The following CHD7 variants were observed in gnomAD, a reference collection of about 807,000 sequenced individuals.
CHD7 encodes the protein chromodomain helicase DNA binding protein 7.
Under a neutral mutation model 307.3 loss-of-function variants are expected in CHD7, and 24 were observed. The observed-to-expected ratio is 0.08, with a 90% confidence interval of 0.06 to 0.11. CHD7 has a LOEUF of 0.11. CHD7 is among the 10% of genes least tolerant of loss of function. The pLI is 1.00. For missense variants in CHD7, 3,106 were observed against 3,727.1 expected (o/e 0.83, Z 4.34); for synonymous variants, 1,363 against 1,349.9 (o/e 1.01, Z -0.21).
intron 1 of CHD7, among the ~76,000 whole-genome samples, chr8:60,721,548 C>T (rs1335107630): frequency 1.3e-5 from 2 of 152,194 alleles, no homozygotes; most frequent in Non-Finnish European, 2.9e-5. Context: ...TGAGTGCCTG[C>T]CTCAGGCATT....
intron 2 of CHD7, among the ~76,000 whole-genome samples, chr8:60,764,137 G>A (rs531198295): frequency 5.3e-5 from 8 of 152,076 alleles, no homozygotes; most frequent in Non-Finnish European, 7.4e-5. Context: ...ACAGGTGCCC[G>A]CCACCACGCC....
At position 60,865,046 on chromosome 8, in the gene CHD7, C is replaced by A; in HGVS notation, c.8107C>A (p.Leu2703Ile). ...GFVPESMFDR[L>I]LTGPVVRGEG... is the part of the protein sequence containing the mutation. ...TGTTCCTGAGTCGATGTTTGACCGC[C>A]TTCTCACTGGGCCTGTAGTGCGGGG... The change falls in exon 38 of 38, where the codon CTT (leucine) becomes ATT (isoleucine). Residue 2703 changes from leucine to isoleucine, a missense_variant. Leu to Ile is a conservative substitution (Grantham distance 5). This residue lies in a region of CHD7 where 59 missense variants were observed against 106.2 expected (regional missense o/e 0.56). Coordinates refer to ENST00000423902, the MANE Select transcript of CHD7 (RefSeq NM_017780.4). This position sits in a 1 kb window ranked among gnomAD's most constrained non-coding sequence, Gnocchi z 4.3. 1 of 1,606,592 alleles carries A rather than the reference C, an allele frequency of 6.2e-7. No homozygotes were observed. The highest frequency in any genetic ancestry group is 1.3e-5 in the African/African-American group (1 of 74,954).
At position 60,742,764 on chromosome 8, in the gene CHD7, A is replaced by G. The variant is rs776189789; in HGVS notation, c.1332A>G (p.Gly444=). 2 of 1,614,038 alleles carry G rather than the reference A, an allele frequency of 1.2e-6. No individual in the cohort carries two copies. The highest frequency in any genetic ancestry group is 1.7e-6 in the Non-Finnish European group (2 of 1,179,898). Residue 444 remains glycine, a synonymous_variant, in exon 2 of 38, where the codon GGA becomes GGG. Transcript: ENST00000423902. ...CTCACCAGCCCCCTGGTGCCATGGG[A>G]ATCGGACAGAGGAATATGGGCCCCA... is the stretch of plus-strand genomic sequence containing the variant. The part of the protein sequence containing the change: ...QPSHQPPGAM[G]IGQRNMGPRN...
intron 37 of CHD7, 29 bp from the exon 38 acceptor site, chr8:60,864,987 A>G: frequency 6.4e-7 from 1 of 1,554,426 alleles, no homozygotes; most frequent in Non-Finnish European, 8.7e-7. Flanking sequence ...CAGCCTTTAT[A>G]GCCACTGTTT....
intron 1 of CHD7, among the ~76,000 whole-genome samples, chr8:60,701,421 T>C (rs930550938): frequency 3.3e-5 from 5 of 152,268 alleles, no homozygotes; most frequent in Admixed American, 1.3e-4. Context: ...TTTTTGCCTC[T>C]GTTTTTCTAG....
Position 60,730,479 on chromosome 8 carries a change from C to G in CHD7, c.-174-10780C>G, listed in dbSNP as rs1325877353. Among the ~76,000 whole-genome samples the G allele has an allele frequency of 3.3e-5, 5 of 152,208 alleles. No individual in the cohort carries two copies. In the East Asian group the frequency reaches 7.7e-4, roughly 23 times the overall value. ...TAATGATAAATGTAGGTACAGTAGA[C>G]CCCCTGCCCCACCCCAGTCCAAGTT... On this transcript the variant is annotated intron_variant, in intron 1 of 37. Coordinates refer to ENST00000423902, the MANE Select transcript of CHD7 (RefSeq NM_017780.4).
Position 60,866,209 on chromosome 8 carries a change from T to TC in CHD7, c.*276_*277insC. Reference sequence around the variant, plus strand: ...TTACATAATGCTCTGCTTTTTTTTTTTCTCTTGGTACCATTGGTATTATAA... The same window carrying TC: ...TTACATAATGCTCTGCTTTTTTTTTTCTCTCTTGGTACCATTGGTATTATAA... On this transcript the variant is annotated 3_prime_UTR_variant, in exon 38 of 38. Coordinates refer to ENST00000423902, the MANE Select transcript of CHD7 (RefSeq NM_017780.4). 3.6e-6 allele frequency: 1 copy of TC among 278,876 alleles called. No individual in the cohort carries two copies. The highest frequency in any genetic ancestry group is 6.7e-6 in the Non-Finnish European group (1 of 148,466). 17.3% of individuals were successfully genotyped at this position (278,876 alleles called of 1,614,324 possible).
At chr8:60,707,421 C>T (rs912947529) in intron 1 of CHD7, among the ~76,000 whole-genome samples, 8 of 152,190 alleles carry the variant, frequency 5.3e-5, no homozygotes, top group African/African-American at 1.9e-4. Flanking sequence ...CATTTACTGT[C>T]TGACCTAGTT....
chr8:60,773,232 C>T (rs1430301487), intron 2 of CHD7, among the ~76,000 whole-genome samples: 1 of 152,148 alleles, frequency 6.6e-6, no homozygotes, highest in Non-Finnish European at 1.5e-5. Flanking sequence ...TATTGTGTTG[C>T]ATTTGTGGTG....
intron 13 of CHD7, chr8:60,824,959 G>A (rs1337647043): frequency 1.3e-5 from 2 of 152,130 alleles, no homozygotes; most frequent in Non-Finnish European, 1.5e-5. Flanking sequence ...TTATATAGTG[G>A]TTATGATCAC....
At chr8:60,738,835 T>C (rs766767833) in intron 1 of CHD7, among the ~76,000 whole-genome samples, 14 of 152,140 alleles carry the variant, frequency 9.2e-5, no homozygotes, top group Non-Finnish European at 1.9e-4. Context: ...GCTTAGTTGA[T>C]ACCATATAAT....
chr8:60,816,543 T>A (rs1049186145), intron 8 of CHD7, 42 bp downstream of exon 8: 2 of 1,126,408 alleles, frequency 1.8e-6, no homozygotes, highest in Non-Finnish European at 2.6e-6. Context: ...TTTACTTTGT[T>A]AAAATGTTCT....
At chr8:60,785,804 C>A (rs1480731824) in intron 3 of CHD7, among the ~76,000 whole-genome samples, 1 of 151,850 alleles carries the variant, frequency 6.6e-6, no homozygotes, top group African/African-American at 2.4e-5. Flanking sequence ...ATAAATTAAA[C>A]CCTCAGCCTT....
At chr8:60,781,562 A>G (rs1811234389) in intron 3 of CHD7, 132 bp downstream of exon 3, 2 of 1,283,616 alleles carry the variant, frequency 1.6e-6, no homozygotes, top group South Asian at 3.8e-5. Flanking sequence ...TTCTTTCCCT[A>G]ATATCCAAAC....
chr8:60,807,022 T>G (rs534831909), intron 6 of CHD7, among the ~76,000 whole-genome samples: 6 of 152,198 alleles, frequency 3.9e-5, no homozygotes, highest in African/African-American at 1.4e-4. Flanking sequence ...AAATCCTATC[T>G]CAGAAAAGAA....
chr8:60,708,813 G>A (rs775984416), intron 1 of CHD7, among the ~76,000 whole-genome samples: 2 of 152,222 alleles, frequency 1.3e-5, no homozygotes, highest in African/African-American at 2.4e-5. Context: ...CTTTTCAACC[G>A]AATGCAACTT....
At chr8:60,736,517 AAAT>A (rs1808722303) in intron 1 of CHD7, among the ~76,000 whole-genome samples, 1 of 152,100 alleles carries the variant, frequency 6.6e-6, no homozygotes, top group Admixed American at 6.5e-5. Flanking sequence ...TTTAGCTGCA[AAAT>A]GCTTCCTTGG....
At chr8:60,826,250 T>C (rs545160453) in intron 13 of CHD7, among the ~76,000 whole-genome samples, 35 of 152,314 alleles carry the variant, frequency 2.3e-4, no homozygotes, top group African/African-American at 8.4e-4. Context: ...CCTGTACTCA[T>C]CCTTGACTCA....
chr8:60,840,837 CA>C (rs377237096), intron 19 of CHD7, among the ~76,000 whole-genome samples: 8 of 152,202 alleles, frequency 5.3e-5, no homozygotes, highest in Admixed American at 2.0e-4. Flanking sequence ...AGGCTGGTCT[CA>C]AACTCCTGAC....
Sources: gnomAD v4.1 joint callset for allele counts (sites outside exome capture counted in the v4.1 genomes callset) on GRCh38, gnomAD v4.1.1 for gene constraint, gnomAD v4.1.1 regional missense constraint, Gnocchi (gnomAD v3.1) non-coding constraint, MANE v1.5 for transcripts, NCBI Gene and HGNC (gene_info 2026-07-23, HGNC 2026-07-21) for gene names.